AMPD3: variants seen among roughly 807,000 people sequenced by gnomAD.
The protein encoded by AMPD3 is AMP deaminase 3.
In AMPD3, 57 loss-of-function variants were observed where a neutral mutation model predicts 82.3. The ratio of observed to expected loss-of-function variants is 0.69; its 90% CI spans 0.56 to 0.86. The LOEUF (loss-of-function observed/expected upper bound fraction) is 0.86. AMPD3 is among the 40% of genes least tolerant of loss of function. The pLI is 0.00. For synonymous variants in AMPD3, 381 were observed against 394.7 expected, an observed-to-expected ratio of 0.97 and a Z score of 0.41; for missense variants, 870 against 1,003.8, an observed-to-expected ratio of 0.87 and a Z score of 1.80.
rs1192456833 is a variant in AMPD3, at chr11:10,495,738, G to A, written c.1430+5G>A. Reference sequence around the variant, plus strand: ...CATCCAGGTGCCCCGGATTTAGTAAGTGAGGTGGCCCGCTGTCTACCCTGT... The same window carrying A: ...CATCCAGGTGCCCCGGATTTAGTAAATGAGGTGGCCCGCTGTCTACCCTGT... On this transcript the variant is annotated splice_donor_5th_base_variant and intron_variant, in intron 9 of 14. Transcript: ENST00000396553. 6.2e-7 allele frequency: 1 copy of A among 1,613,956 alleles called. No individual in the cohort carries two copies. The highest frequency in any genetic ancestry group is 1.3e-5 in the African/African-American group (1 of 74,912).
rs1321987940 is a variant in AMPD3, at chr11:10,496,815, C to T, written c.1434C>T (p.Asp478=). ...RWIIQVPRIY[D]IFRSKKLLPN... ...GCGAGTCTTTGCTGTCCCCCAGTGA[C>T]ATATTTAGGTCAAAGAAGCTGCTGC... The change falls in exon 10 of 15, where the codon GAC becomes GAT. Residue 478 remains aspartate, a synonymous_variant. Coordinates refer to ENST00000396553, the MANE Select transcript of AMPD3 (RefSeq NM_001025389.2). 19 of 1,614,014 alleles carry T rather than the reference C, an allele frequency of 1.2e-5. No homozygotes were observed. Among genetic ancestry groups the T allele is most frequent in the Middle Eastern group, 1.6e-4 (1 of 6,084 alleles).
intron 1 of AMPD3, chr11:10,461,110 GATTATT>G: frequency 2.5e-6 from 3 of 1,186,190 alleles, no homozygotes; most frequent in Admixed American, 3.7e-5. Context: ...AGTGAGGTTT[GATTATT>G]GTTGCAGCTA....
chr11:10,461,236 T>C, intron 1 of AMPD3: 1 of 1,316,960 alleles, frequency 7.6e-7, no homozygotes, highest in Non-Finnish European at 9.8e-7. Context: ...GCAGATTCCC[T>C]GAGTTTGGGA....
chr11:10,488,206 A>T, intron 6 of AMPD3: 1 of 985,464 alleles, frequency 1.0e-6, no homozygotes, highest in Non-Finnish European at 1.2e-6. Context: ...CGAAGGTTAA[A>T]TGATCATGGC....
chr11:10,502,491 A>G (rs1202203410), intron 12 of AMPD3: 7 of 985,328 alleles, frequency 7.1e-6, no homozygotes, highest in Non-Finnish European at 4.8e-6. Flanking sequence ...AACAGTGGGT[A>G]GAGGCACCAG....
chr11:10,484,523 T>G (rs1355686776), intron 4 of AMPD3: 3 of 983,410 alleles, frequency 3.1e-6, no homozygotes, highest in Non-Finnish European at 3.6e-6. Flanking sequence ...GTGCTAGCCA[T>G]GTGCCAGGGA....
At chr11:10,454,354 C>CT (rs1848034009), upstream of AMPD3, among the ~76,000 whole-genome samples, 3 of 152,172 alleles carry the variant, frequency 2.0e-5, no homozygotes, top group Admixed American at 2.0e-4. Flanking sequence ...AGGAAGGCAG[C>CT]TTTCTCTAAG....
intron 1 of AMPD3, among the ~76,000 whole-genome samples, chr11:10,458,718 C>T: frequency 6.6e-6 from 1 of 152,126 alleles, no homozygotes; most frequent in East Asian, 1.9e-4. Context: ...CTAATTTAGG[C>T]ATTTTAAAGC....
upstream of AMPD3, chr11:10,450,931 C>T (rs1303616228): frequency 4.6e-6 from 6 of 1,306,878 alleles, no homozygotes; most frequent in East Asian, 3.4e-5. Context: ...GCCCTGGCCC[C>T]GGCTGGCCTC....
intron 2 of AMPD3, among the ~76,000 whole-genome samples, chr11:10,468,434 A>G (rs1848486559): frequency 2.0e-5 from 3 of 152,348 alleles, no homozygotes; most frequent in Non-Finnish European, 4.4e-5. Flanking sequence ...AGGGCATTAC[A>G]TAATGGTAAA....
chr11:10,493,604 C>A (rs1849304039), intron 7 of AMPD3, 61 bp downstream of exon 7: 1 of 1,565,264 alleles, frequency 6.4e-7, no homozygotes. Context: ...GGACTCAGCC[C>A]CCTGGAAAGC....
chr11:10,495,847 C>G, intron 9 of AMPD3, 114 bp downstream of exon 9: 10 of 1,353,080 alleles, frequency 7.4e-6, no homozygotes, highest in Non-Finnish European at 1.0e-5. Context: ...TGCCAGCTTA[C>G]GCTTGTCCTT....
chr11:10,496,767 A>G (rs757985850), intron 9 of AMPD3, 45 bp from the exon 10 acceptor site: 2 of 1,613,894 alleles, frequency 1.2e-6, no homozygotes, highest in East Asian at 2.2e-5. Context: ...ACAGGGCAGC[A>G]GGCTGTTGGA....
chr11:10,469,496 A>G (rs997216612), intron 2 of AMPD3, among the ~76,000 whole-genome samples: 3 of 152,244 alleles, frequency 2.0e-5, no homozygotes, highest in Admixed American at 6.5e-5. Flanking sequence ...AAATTGAGGC[A>G]GTAATGAATA....
At chr11:10,460,432 A>G (rs1192381612) in intron 1 of AMPD3, among the ~76,000 whole-genome samples, 1 of 144,538 alleles carries the variant, frequency 6.9e-6, no homozygotes, top group African/African-American at 2.6e-5. Context: ...TTTGAGGCAG[A>G]GTCCCACTCT....
chr11:10,495,000 G>T lies in AMPD3; in HGVS notation c.1236G>T (p.Leu412=). The T allele has an allele frequency of 6.2e-7, 1 of 1,614,182 alleles. No homozygotes were observed. Among genetic ancestry groups the T allele is most frequent in the Non-Finnish European group, 8.5e-7 (1 of 1,180,010 alleles). The change falls in exon 8 of 15, where the codon CTG becomes CTT. Residue 412 remains leucine (L), a synonymous_variant. Transcript: ENST00000396553. ...TGTATTTGAAAACTGAAAACTATCTGGGAGGAGAGTACTTTGCTCGGATGG... is the reference window on the plus strand; with the variant it reads ...TGTATTTGAAAACTGAAAACTATCTTGGAGGAGAGTACTTTGCTCGGATGG... The part of the protein sequence containing the change: ...RDLYLKTENY[L]GGEYFARMVK...
chr11:10,493,214 G>A (rs1849289838), intron 6 of AMPD3, 135 bp from the exon 7 acceptor site: 3 of 997,500 alleles, frequency 3.0e-6, no homozygotes, highest in Non-Finnish European at 4.7e-6. Flanking sequence ...TGGGGGGTGG[G>A]ATCCAGACAC....
intron 6 of AMPD3, chr11:10,490,482 G>T: frequency 1.0e-6 from 1 of 985,424 alleles, no homozygotes; most frequent in Non-Finnish European, 1.2e-6. Flanking sequence ...TAGGTCCCAG[G>T]TCTGGAAACT....
intron 4 of AMPD3, among the ~76,000 whole-genome samples, chr11:10,483,598 C>G (rs748400689): frequency 4.6e-5 from 7 of 152,262 alleles, no homozygotes; most frequent in Non-Finnish European, 8.8e-5. Context: ...AGAGGAGCAA[C>G]TTCCGAACAT....
Sources: allele counts gnomAD v4.1 joint callset (sites outside exome capture counted in the v4.1 genomes callset), GRCh38; gene constraint gnomAD v4.1.1; transcripts MANE v1.5; gene names NCBI Gene and HGNC (gene_info 2026-07-23, HGNC 2026-07-21).